The following DYNC2I2 variants were observed in gnomAD, a reference collection of about 807,000 sequenced individuals.
DYNC2I2 encodes the protein cytoplasmic dynein 2 intermediate chain 2.
DYNC2I2 carries 39 observed loss-of-function variants against 52.0 expected under a neutral mutation model. The observed-to-expected ratio is 0.75, with a 90% CI of 0.58 to 0.98. The LOEUF (loss-of-function observed/expected upper bound fraction) is 0.98, where lower values mean the gene tolerates loss of function less well. Among genes scored for constraint, DYNC2I2 ranks in the 50% least tolerant of loss-of-function variants. DYNC2I2 has a pLI of 0.00. For missense variants in DYNC2I2, 743 were observed against 728.4 expected (o/e 1.02, Z -0.23); for synonymous variants, 359 against 321.1 (o/e 1.12, Z -1.26).
chr9:128,645,820 G>A (rs1860607780), intron 1 of DYNC2I2, among the ~76,000 whole-genome samples: 1 of 152,078 alleles, frequency 6.6e-6, no homozygotes, highest in South Asian at 2.1e-4. Flanking sequence ...GAATGCAAAG[G>A]AAAAGTTCTT....
At chr9:128,637,899 C>CT (rs1860444937) in intron 2 of DYNC2I2, among the ~76,000 whole-genome samples, 1 of 152,170 alleles carries the variant, frequency 6.6e-6, no homozygotes, top group African/African-American at 2.4e-5. Flanking sequence ...CTCAGATCCT[C>CT]TGACGTTTCA....
chr9:128,668,605 A>G, the DYNC2I2 span, among the ~76,000 whole-genome samples: 1 of 151,402 alleles, frequency 6.6e-6, no homozygotes, highest in Non-Finnish European at 1.5e-5. Context: ...GGTGGATCAC[A>G]AGGTCAGGAG....
At chr9:128,684,154 G>A in the DYNC2I2 span, 1 of 650,160 alleles carries the variant, frequency 1.5e-6, no homozygotes, top group South Asian at 1.9e-5. Flanking sequence ...AAGTTTGCGT[G>A]AAGAACCAGA....
Position 128,640,881 on chromosome 9 carries a change from T to A in DYNC2I2, c.245A>T (p.His82Leu). ...CTCCGTCTGCACCTGGGCGTCCACA[T>A]GATTCCTGGCCTGGGCGGATGCACT... is the stretch of plus-strand genomic sequence containing the variant. ...TASASAQARN[H>L]VDAQVQTEAP... The change falls in exon 2 of 9, where the codon CAT (histidine) becomes CTT (leucine). Residue 82 changes from histidine to leucine, a missense_variant. By Grantham distance (99) the His-to-Leu change is moderately conservative. Transcript: ENST00000372715. 1 of 1,613,312 alleles carries A rather than the reference T, an allele frequency of 6.2e-7. No individual in the cohort carries two copies. Among genetic ancestry groups the A allele is most frequent in the South Asian group, 1.1e-5 (1 of 91,038 alleles).
At chr9:128,652,636 G>A (rs1206403318) in intron 1 of DYNC2I2, among the ~76,000 whole-genome samples, 1 of 115,322 alleles carries the variant, frequency 8.7e-6, no homozygotes. Flanking sequence ...AAAAAAAAAA[G>A]AGGCCGGGCA....
the DYNC2I2 span, among the ~76,000 whole-genome samples, chr9:128,679,686 G>A: frequency 6.7e-5 from 10 of 148,658 alleles, no homozygotes; most frequent in African/African-American, 2.0e-4. Context: ...TTGCTCTGTC[G>A]CCCAGGCTGG....
chr9:128,673,599 G>A, the DYNC2I2 span, among the ~76,000 whole-genome samples: 3 of 150,954 alleles, frequency 2.0e-5, no homozygotes, highest in African/African-American at 7.3e-5. Flanking sequence ...TCCACCTCCT[G>A]GGTTCACGCC....
rs746024280 is a variant in DYNC2I2 at position 128,634,684 on chromosome 9, C to G, written c.1214+5G>C. 1.9e-6 allele frequency: 3 copies of G among 1,544,790 alleles called. No individual in the cohort carries two copies. The highest frequency in any genetic ancestry group is 2.6e-6 in the Non-Finnish European group (3 of 1,143,130). On this transcript the variant is annotated splice_donor_5th_base_variant and intron_variant, in intron 7 of 8. Coordinates refer to ENST00000372715, the MANE Select transcript of DYNC2I2 (RefSeq NM_052844.4). ...CCCACTGTGCCCCAGGCCTGCCCTA[C>G]GTACCTGTGGAAGGGGGAACAGCTC...
the DYNC2I2 span, chr9:128,683,762 T>A: frequency 5.8e-6 from 4 of 690,990 alleles, no homozygotes; most frequent in Non-Finnish European, 9.5e-6. Flanking sequence ...CCCACTGTCA[T>A]GTAAATATCC....
At chr9:128,644,759 G>A (rs1860582502) in intron 1 of DYNC2I2, among the ~76,000 whole-genome samples, 1 of 152,198 alleles carries the variant, frequency 6.6e-6, no homozygotes, top group Admixed American at 6.5e-5. Context: ...CACTGCACAA[G>A]CCTATCGGGC....
Position 128,637,121 on chromosome 9 carries a change from C to T in DYNC2I2, c.436-94G>A, listed in dbSNP as rs1381511649. 5 of 784,000 alleles carry T rather than the reference C, an allele frequency of 6.4e-6. No homozygotes were observed. In the Admixed American group the frequency reaches 1.1e-4, roughly 18 times the overall value. The allele number at this position is 784,000 out of a possible 1,614,324, so 48.6% of individuals were successfully genotyped here. A position where few individuals can be genotyped will look rare whatever the true frequency, so the allele number is the denominator to read the frequency against. On this transcript the variant is annotated intron_variant, in intron 2 of 8. Transcript: ENST00000372715. ...CCACCTAGGCCAGGCCACCCTTAGC[C>T]CTAGAGGCCCTCAAGTCCATCAGCC... is the stretch of plus-strand genomic sequence containing the variant.
intron 1 of DYNC2I2, among the ~76,000 whole-genome samples, chr9:128,644,667 C>T (rs974596665): frequency 6.6e-6 from 1 of 152,146 alleles, no homozygotes; most frequent in African/African-American, 2.4e-5. Flanking sequence ...GAAGCTGGGC[C>T]GCACCACGTG....
the DYNC2I2 span, among the ~76,000 whole-genome samples, chr9:128,671,470 C>CTTTTTTTTTTTTTT: frequency 9.3e-6 from 1 of 107,760 alleles, no homozygotes; most frequent in Non-Finnish European, 1.9e-5. Flanking sequence ...CTGGCTAATT[C>CTTTTTTTTTTTTTT]TTTTTTTTTT....
At chr9:128,638,560 C>T (rs893360125) in intron 2 of DYNC2I2, among the ~76,000 whole-genome samples, 14 of 151,996 alleles carry the variant, frequency 9.2e-5, no homozygotes, top group Admixed American at 2.0e-4. Flanking sequence ...AAGAAACTAT[C>T]CACTGGAAAG....
At chr9:128,670,739 A>T in the DYNC2I2 span, among the ~76,000 whole-genome samples, 18 of 55,140 alleles carry the variant, frequency 3.3e-4, no homozygotes, top group African/African-American at 1.1e-3. Flanking sequence ...CATCTCAAAC[A>T]ACAACAACAA....
the DYNC2I2 span, among the ~76,000 whole-genome samples, chr9:128,682,988 T>TA: frequency 7.7e-4 from 105 of 136,826 alleles, no homozygotes; most frequent in East Asian, 3.8e-3. Flanking sequence ...GACCTTGTCT[T>TA]AAAAAAAAAA....
chr9:128,657,038 G>A (rs1379380474), upstream of DYNC2I2, among the ~76,000 whole-genome samples: 1 of 152,230 alleles, frequency 6.6e-6, no homozygotes, highest in Non-Finnish European at 1.5e-5. Flanking sequence ...AAGCGCAGAA[G>A]CGAAGAGAGG....
At chr9:128,643,722 AAAG>A (rs1860561601) in intron 1 of DYNC2I2, among the ~76,000 whole-genome samples, 1 of 152,088 alleles carries the variant, frequency 6.6e-6, no homozygotes, top group Non-Finnish European at 1.5e-5. Flanking sequence ...GGAATCGTGG[AAAG>A]AAGGAAATCC....
rs1860808571 is a variant in DYNC2I2 at position 128,655,732 on chromosome 9, A to T, written c.186+809T>A. Among the ~76,000 whole-genome samples, 6 of 149,530 alleles carry T rather than the reference A, an allele frequency of 4.0e-5. No individual in the cohort carries two copies. The Admixed American group carries it at 4.1e-4, about 10-fold the overall frequency. On this transcript the variant is annotated intron_variant, in intron 1 of 8. Transcript: ENST00000372715. ...AAACCATTCTGGCTAACACTGTGAA[A>T]CCCCGTCTCTACTAAAAAATACAAA... is the stretch of plus-strand genomic sequence containing the variant.
Sources: gnomAD v4.1 joint callset for allele counts (sites outside exome capture counted in the v4.1 genomes callset) on GRCh38, gnomAD v4.1.1 for gene constraint, MANE v1.5 for transcripts, NCBI Gene and HGNC (gene_info 2026-07-23, HGNC 2026-07-21) for gene names.